GRIP1: variants seen among roughly 807,000 people sequenced by gnomAD.
GRIP1 encodes glutamate receptor-interacting protein 1.
GRIP1 carries 45 observed loss-of-function variants against 129.9 expected under a neutral mutation model. The ratio of observed to expected loss-of-function variants is 0.35; its 90% CI spans 0.27 to 0.44. The LOEUF is 0.44. Among genes scored for constraint, GRIP1 ranks in the 20% least tolerant of loss-of-function variants. The pLI, the probability that GRIP1 is intolerant of heterozygous loss-of-function variation, is 1.00. For synonymous variants in GRIP1, 530 were observed against 520.8 expected (o/e 1.02, Z -0.24); for missense variants, 1,196 against 1,396.8 (o/e 0.86, Z 2.29).
chr12:66,454,468 G>A (rs778489089), intron 11 of GRIP1, among the ~76,000 whole-genome samples: 1 of 152,200 alleles, frequency 6.6e-6, no homozygotes, highest in African/African-American at 2.4e-5. Flanking sequence ...CTATGATTAG[G>A]TCTAGTTAGA....
At chr12:66,438,406 G>A (rs1244587385) in intron 13 of GRIP1, among the ~76,000 whole-genome samples, 1 of 152,056 alleles carries the variant, frequency 6.6e-6, no homozygotes, top group Non-Finnish European at 1.5e-5. Flanking sequence ...CAGTAGGGAT[G>A]ATCTCGGCTC....
intron 1 of GRIP1, among the ~76,000 whole-genome samples, chr12:66,733,518 A>C (rs2036504211): frequency 6.6e-6 from 1 of 152,126 alleles, no homozygotes; most frequent in Admixed American, 6.5e-5. Context: ...GCTACAGCTC[A>C]GGCAGCCATC....
chr12:66,981,649 TAC>T (rs2042243919), intron 1 of GRIP1, among the ~76,000 whole-genome samples: 1 of 152,314 alleles, frequency 6.6e-6, no homozygotes, highest in African/African-American at 2.4e-5. Flanking sequence ...GGTTCTGATA[TAC>T]GTTTATCTAA....
chr12:66,870,325 T>C (rs1001522337), intron 1 of GRIP1, among the ~76,000 whole-genome samples: 4 of 152,024 alleles, frequency 2.6e-5, no homozygotes, highest in Admixed American at 6.6e-5. Context: ...GAATGAAAAT[T>C]TGTGAATTTA....
intron 1 of GRIP1, among the ~76,000 whole-genome samples, chr12:66,846,282 C>T (rs1178448127): frequency 6.6e-6 from 1 of 152,190 alleles, no homozygotes; most frequent in Non-Finnish European, 1.5e-5. Context: ...CAAAGTCACC[C>T]TAATGTCAAC....
At chr12:66,947,161 C>T (rs913620830) in intron 1 of GRIP1, among the ~76,000 whole-genome samples, 1 of 152,272 alleles carries the variant, frequency 6.6e-6, no homozygotes, top group South Asian at 2.1e-4. Flanking sequence ...CTCATCTCCT[C>T]GCTTTTATCA....
chr12:66,884,811 C>T (rs1384139472), intron 1 of GRIP1, among the ~76,000 whole-genome samples: 2 of 152,008 alleles, frequency 1.3e-5, no homozygotes, highest in Non-Finnish European at 2.9e-5. Context: ...TTTTGAAATG[C>T]CATCTAAAAT....
chr12:67,041,837 G>A lies in GRIP1; in HGVS notation c.58+27213C>T, dbSNP rs114306474. On this transcript the variant is annotated intron_variant, in intron 1 of 1. Transcript: ENST00000643019. Reference sequence around the variant, plus strand: ...TTTTAATGCTGCATTTGTATAGGCTGTAAGTTCCTTGATGGCATATACAAA... The same window carrying A: ...TTTTAATGCTGCATTTGTATAGGCTATAAGTTCCTTGATGGCATATACAAA... Among the ~76,000 whole-genome samples, 425 of 152,062 alleles carry A rather than the reference G, an allele frequency of 2.8e-3. 3 individuals carry two copies. The highest frequency in any genetic ancestry group is 9.7e-3 in the African/African-American group (403 of 41,494).
intron 1 of GRIP1, among the ~76,000 whole-genome samples, chr12:66,651,066 G>T (rs1361041862): frequency 6.6e-6 from 1 of 152,158 alleles, no homozygotes; most frequent in Non-Finnish European, 1.5e-5. Context: ...ATTATTGCCT[G>T]CTATGACCCA....
At chr12:67,005,677 A>C (rs1210128742) in intron 1 of GRIP1, among the ~76,000 whole-genome samples, 1 of 152,220 alleles carries the variant, frequency 6.6e-6, no homozygotes, top group African/African-American at 2.4e-5. Context: ...AGTGCCAGGC[A>C]CTGCACTAGG....
intron 1 of GRIP1, among the ~76,000 whole-genome samples, chr12:66,904,186 C>T (rs1340193858): frequency 1.3e-5 from 2 of 152,152 alleles, no homozygotes; most frequent in African/African-American, 2.4e-5. Context: ...ACATTTTTCT[C>T]CCTGCTATAT....
intron 1 of GRIP1, among the ~76,000 whole-genome samples, chr12:66,831,926 A>C (rs963973330): frequency 1.3e-5 from 2 of 152,206 alleles, no homozygotes; most frequent in African/African-American, 4.8e-5. Flanking sequence ...TATTTATTTT[A>C]GTACGTGTTT....
intron 5 of GRIP1, among the ~76,000 whole-genome samples, chr12:66,525,423 C>G (rs2139038861): frequency 6.6e-6 from 1 of 152,244 alleles, no homozygotes; most frequent in South Asian, 2.1e-4. Context: ...GAACCAAAGA[C>G]AAAAACCACA....
chr12:66,490,306 G>T (rs980341318), intron 7 of GRIP1, among the ~76,000 whole-genome samples: 1 of 152,104 alleles, frequency 6.6e-6, no homozygotes, highest in African/African-American at 2.4e-5. Context: ...ACATAGTAGA[G>T]AACTTAGAAA....
At chr12:66,820,394 A>C (rs1318394937) in intron 1 of GRIP1, among the ~76,000 whole-genome samples, 1 of 152,226 alleles carries the variant, frequency 6.6e-6, no homozygotes, top group Non-Finnish European at 1.5e-5. Flanking sequence ...ACTCTCATTC[A>C]TTGCTGATGG....
At chr12:66,618,961 A>C (rs1027535685) in intron 1 of GRIP1, among the ~76,000 whole-genome samples, 1 of 152,158 alleles carries the variant, frequency 6.6e-6, no homozygotes, top group Non-Finnish European at 1.5e-5. Flanking sequence ...AACTCGTATT[A>C]TTCTGTTTCA....
chr12:66,670,073 A>G (rs1478121453), intron 1 of GRIP1, among the ~76,000 whole-genome samples: 4 of 152,176 alleles, frequency 2.6e-5, no homozygotes, highest in Non-Finnish European at 4.4e-5. Context: ...TCTGCACCAT[A>G]CAAATGAGGG....
At chr12:66,940,391 C>T (rs527841903) in intron 1 of GRIP1, among the ~76,000 whole-genome samples, 165 of 152,232 alleles carry the variant, frequency 1.1e-3, no homozygotes, top group African/African-American at 3.2e-3. Context: ...TATCTGATCC[C>T]TTTCCTTTCC....
intron 1 of GRIP1, among the ~76,000 whole-genome samples, chr12:66,651,833 T>C (rs1176920369): frequency 1.3e-5 from 2 of 151,664 alleles, no homozygotes; most frequent in Non-Finnish European, 2.9e-5. Context: ...TTCTAAATAT[T>C]TTTTTTTAAT....
Sources: allele counts gnomAD v4.1 joint callset (sites outside exome capture counted in the v4.1 genomes callset), GRCh38; gene constraint gnomAD v4.1.1; transcripts MANE v1.5; gene names NCBI Gene and HGNC (gene_info 2026-07-23, HGNC 2026-07-21).